OTX2: variants seen among roughly 807,000 people sequenced by gnomAD.
OTX2 encodes homeobox protein OTX2.
OTX2 carries 4 observed loss-of-function variants against 29.0 expected under a neutral mutation model. That is an observed-to-expected ratio of 0.14 (90% CI 0.07 to 0.32). The LOEUF (loss-of-function observed/expected upper bound fraction) is 0.32. Ranked by LOEUF, OTX2 falls within the 10% of genes least tolerant of loss-of-function variation. OTX2 has a pLI of 1.00. For synonymous variants in OTX2, 134 were observed against 141.0 expected, an observed-to-expected ratio of 0.95 and a Z score of 0.35; for missense variants, 298 against 365.9, an observed-to-expected ratio of 0.81 and a Z score of 1.51.
At chr14:56,806,250 A>G (rs1892087032) in intron 2 of OTX2, among the ~76,000 whole-genome samples, 1 of 152,216 alleles carries the variant, frequency 6.6e-6, no homozygotes, top group African/African-American at 2.4e-5. Flanking sequence ...ATTTCCGGTA[A>G]TCATTTTCAC....
rs1051054473 is a variant in OTX2 at position 56,805,462 on chromosome 14, G to A, written c.-6C>T. ...TGCTTAAGATAAGACATCATGCTAA[G>A]GTTGTTTGGAGGTGCAAAGTCGGCC... is the stretch of plus-strand genomic sequence containing the variant. On this transcript the variant is annotated 5_prime_UTR_variant, in exon 3 of 5. Coordinates refer to ENST00000672264, the MANE Select transcript of OTX2 (RefSeq NM_021728.4). The A allele has an allele frequency of 1.9e-6, 3 of 1,608,754 alleles. No homozygotes were observed. The highest frequency in any genetic ancestry group is 3.3e-5 in the Admixed American group (2 of 59,960).
chr14:56,808,170 C>T (rs1379133298), intron 2 of OTX2, among the ~76,000 whole-genome samples: 1 of 152,090 alleles, frequency 6.6e-6, no homozygotes, highest in Non-Finnish European at 1.5e-5. Flanking sequence ...CCTCGCTCAA[C>T]AATAATTACC....
rs201923654 is a variant in OTX2 at position 56,802,384 on chromosome 14, C to G, written c.274-29G>C. On this transcript the variant is annotated intron_variant, in intron 4 of 4. Transcript: ENST00000672264. This position sits in a 1 kb window ranked among gnomAD's most constrained non-coding sequence, Gnocchi z 4.4. ...GGAAGGGAAAGAAAATTCTTTAACT[C>G]GGTTTTGATAGTTCCTTAAGGACAA... is the stretch of plus-strand genomic sequence containing the variant. 1.9e-6 allele frequency: 3 copies of G among 1,613,044 alleles called. No individual in the cohort carries two copies. The East Asian group carries it at 6.7e-5, about 36-fold the overall frequency.
rs78559885 is a variant in OTX2 at position 56,801,798 on chromosome 14, G to A, written c.831C>T (p.Asn277=). 510 of 1,614,204 alleles carry A rather than the reference G, an allele frequency of 3.2e-4. 3 individuals are homozygous for A. The African/African-American group carries it at 5.4e-3, about 17-fold the overall frequency. The change falls in exon 5 of 5, where the codon AAC becomes AAT. Residue 277 remains asparagine (N), a synonymous_variant. Transcript: ENST00000672264. The surrounding 1 kb of genome is among the most constrained non-coding windows in gnomAD (Gnocchi z 4.2). ...YKDQTASWKL[N]FNADCLDYKD... ...TATAATCCAAGCAGTCAGCATTGAA[G>A]TTAAGCTTCCAGGAGGCAGTTTGGT... is the stretch of plus-strand genomic sequence containing the variant.
rs932539917 is a variant in OTX2, at chr14:56,804,971, C to G, written c.97+389G>C. Among the ~76,000 whole-genome samples the G allele has an allele frequency of 2.6e-5, 4 of 152,056 alleles. No homozygotes were observed. Among genetic ancestry groups the G allele is most frequent in the Non-Finnish European group, 4.4e-5 (3 of 68,018 alleles). On this transcript the variant is annotated intron_variant, in intron 3 of 4. Transcript: ENST00000672264. This position sits in a 1 kb window ranked among gnomAD's most constrained non-coding sequence, Gnocchi z 4.1. ...GAAGCCCGAGAGTGCTAAGGACTTACGGAGGGAAAACTCAGCTTCTCCAAG... is the reference window on the plus strand; with the variant it reads ...GAAGCCCGAGAGTGCTAAGGACTTAGGGAGGGAAAACTCAGCTTCTCCAAG...
chr14:56,809,451 G>T (rs935030642), intron 2 of OTX2, among the ~76,000 whole-genome samples: 3 of 152,216 alleles, frequency 2.0e-5, no homozygotes, highest in African/African-American at 7.2e-5. Flanking sequence ...GAAGCTTTTG[G>T]GAGAAACAGA....
In OTX2 at chr14:56,804,957, G is replaced by A. The variant is rs1224402625; in HGVS notation, c.97+403C>T. 1.3e-5 allele frequency among the ~76,000 whole-genome samples: 2 copies of A among 152,174 alleles called. No individual in the cohort carries two copies. The highest frequency in any genetic ancestry group is 2.9e-5 in the Non-Finnish European group (2 of 68,040). ...GAGGGAACAACTGCGAAGCCCGAGA[G>A]TGCTAAGGACTTACGGAGGGAAAAC... On this transcript the variant is annotated intron_variant, in intron 3 of 4. Coordinates refer to ENST00000672264, the MANE Select transcript of OTX2 (RefSeq NM_021728.4). This position sits in a 1 kb window ranked among gnomAD's most constrained non-coding sequence, Gnocchi z 4.1.
rs1891837770 is a variant in OTX2, at chr14:56,800,542, C to T, written c.*1193G>A. 1 of 151,852 alleles carries T rather than the reference C, an allele frequency of 6.6e-6. No individual in the cohort carries two copies. 9.4% of individuals were successfully genotyped at this position (151,852 alleles called of 1,614,324 possible). Reference sequence around the variant, plus strand: ...TGAAAGTCACAAAAAGTCTACCTACCACTGTCATTCATATCTATTTTATGC... The same window carrying T: ...TGAAAGTCACAAAAAGTCTACCTACTACTGTCATTCATATCTATTTTATGC... On this transcript the variant is annotated 3_prime_UTR_variant, in exon 5 of 5. Coordinates refer to ENST00000672264, the MANE Select transcript of OTX2 (RefSeq NM_021728.4).
At position 56,805,461 on chromosome 14, in the gene OTX2, A is replaced by G; in HGVS notation, c.-5T>C. On this transcript the variant is annotated 5_prime_UTR_variant, in exon 3 of 5. Transcript: ENST00000672264. ...TTGCTTAAGATAAGACATCATGCTA[A>G]GGTTGTTTGGAGGTGCAAAGTCGGC... 1 of 1,609,722 alleles carries G rather than the reference A, an allele frequency of 6.2e-7. No homozygotes were observed. Among genetic ancestry groups the G allele is most frequent in the Non-Finnish European group, 8.5e-7 (1 of 1,176,126 alleles).
intron 4 of OTX2, among the ~76,000 whole-genome samples, chr14:56,803,534 G>C (rs904655397): frequency 6.6e-6 from 1 of 152,196 alleles, no homozygotes; most frequent in Non-Finnish European, 1.5e-5. Context: ...AGAGAATTCT[G>C]TACAGGGCTC....
chr14:56,802,048 C>A lies in OTX2; in HGVS notation c.581G>T (p.Ser194Ile), dbSNP rs762435469. 1 of 1,614,080 alleles carries A rather than the reference C, an allele frequency of 6.2e-7. No homozygotes were observed. Residue 194 changes from serine (S) to isoleucine (I), a missense_variant, in exon 5 of 5, where the codon AGT becomes ATT. Ser to Ile is a moderately radical substitution (Grantham distance 142). Around this residue, in one of 3 missense-constraint regions of OTX2, gnomAD observed 219 missense variants for 223.5 expected, o/e 0.98. Coordinates refer to ENST00000672264, the MANE Select transcript of OTX2 (RefSeq NM_021728.4). This position sits in a 1 kb window ranked among gnomAD's most constrained non-coding sequence, Gnocchi z 4.4. ...GGAAGTTGAGCCAGCATATCCTTGA[C>A]TATAACCTGAAGCCTGAGTATAGGT... ...PMTYTQASGY[S>I]QGYAGSTSYF...
intron 2 of OTX2, among the ~76,000 whole-genome samples, chr14:56,807,662 TA>T (rs1316672799): frequency 3.3e-5 from 5 of 152,144 alleles, no homozygotes; most frequent in Non-Finnish European, 7.4e-5. Flanking sequence ...GATCCACCTT[TA>T]AAAGGAAAAG....
chr14:56,804,462 C>A lies in OTX2; in HGVS notation c.98-99G>T, dbSNP rs1892008312. On this transcript the variant is annotated intron_variant, in intron 3 of 4. Transcript: ENST00000672264. This position sits in a 1 kb window ranked among gnomAD's most constrained non-coding sequence, Gnocchi z 4.1. ...GCAGCAGTCCCCCGTTCCTCACAGC[C>A]CTTCAGCCGGGAGCCTACCAATGCT... The A allele has an allele frequency of 8.3e-7, 1 of 1,201,786 alleles. No individual in the cohort carries two copies. Among genetic ancestry groups the A allele is most frequent in the South Asian group, 1.5e-5 (1 of 65,624 alleles). 74.4% of individuals were successfully genotyped at this position (1,201,786 alleles called of 1,614,324 possible). A position where few individuals can be genotyped will look rare whatever the true frequency, so the allele number is the denominator to read the frequency against.
chr14:56,809,149 G>A (rs983708466), intron 2 of OTX2, among the ~76,000 whole-genome samples: 1 of 152,174 alleles, frequency 6.6e-6, no homozygotes, highest in Non-Finnish European at 1.5e-5. Flanking sequence ...GAGAACAGCT[G>A]AGGGGCCGCG....
rs1892116089 is a variant in OTX2, at chr14:56,807,169, T to A, written c.-119-1594A>T. Among the ~76,000 whole-genome samples the A allele has an allele frequency of 2.0e-5, 3 of 152,208 alleles. No individual in the cohort carries two copies. The South Asian group carries it at 6.2e-4, about 32-fold the overall frequency. ...TTGGAGGAGTTTGTATTATCCTCAG[T>A]ACAACTAATTTAGTTGCCCCTACAA... On this transcript the variant is annotated intron_variant, in intron 2 of 4. Transcript: ENST00000672264.
intron 2 of OTX2, among the ~76,000 whole-genome samples, chr14:56,807,640 C>T (rs986251743): frequency 1.3e-5 from 2 of 152,292 alleles, no homozygotes; most frequent in East Asian, 3.9e-4. Context: ...ACTATTTTCA[C>T]TTTTGCTCCT....
intron 2 of OTX2, among the ~76,000 whole-genome samples, chr14:56,809,800 C>T (rs141565651): frequency 7.2e-5 from 11 of 152,340 alleles, no homozygotes; most frequent in African/African-American, 1.7e-4. Flanking sequence ...GGGGCCAAAA[C>T]GCAAAGATCG....
In OTX2 at chr14:56,801,545, G is replaced by T; in HGVS notation, c.*190C>A. 1.6e-6 allele frequency: 1 copy of T among 631,458 alleles called. No individual in the cohort carries two copies. Among genetic ancestry groups the T allele is most frequent in the Non-Finnish European group, 2.8e-6 (1 of 359,350 alleles). The allele number at this position is 631,458 out of a possible 1,614,324, so 39.1% of individuals were successfully genotyped here. On this transcript the variant is annotated 3_prime_UTR_variant, in exon 5 of 5. Coordinates refer to ENST00000672264, the MANE Select transcript of OTX2 (RefSeq NM_021728.4). This position sits in a 1 kb window ranked among gnomAD's most constrained non-coding sequence, Gnocchi z 4.2. ...GACAGGATCTTAAGCAGATTGGTTT[G>T]TCCATTTCATGTTGCTGGTTTGTAG...
intron 2 of OTX2, among the ~76,000 whole-genome samples, chr14:56,809,278 G>T (rs369652539): frequency 4.5e-4 from 69 of 152,312 alleles, no homozygotes; most frequent in African/African-American, 1.6e-3. Context: ...GGCGGGCCGC[G>T]ACCCGGCAAA....
Sources: gnomAD v4.1 joint callset for allele counts (sites outside exome capture counted in the v4.1 genomes callset) on GRCh38, gnomAD v4.1.1 for gene constraint, gnomAD v4.1.1 regional missense constraint, Gnocchi (gnomAD v3.1) non-coding constraint, MANE v1.5 for transcripts, NCBI Gene and HGNC (gene_info 2026-07-23, HGNC 2026-07-21) for gene names.